CADM2: variants seen among roughly 807,000 people sequenced by gnomAD.
CADM2 encodes immunoglobulin superfamily member 4D.
Under a neutral mutation model 49.8 loss-of-function variants are expected in CADM2, and 12 were observed. That is an observed-to-expected ratio of 0.24 (90% CI 0.15 to 0.39). CADM2 has a LOEUF of 0.39. Among genes scored for constraint, CADM2 ranks in the 10% least tolerant of loss-of-function variants. The pLI is 1.00. For missense variants in CADM2, 378 were observed against 492.3 expected, an observed-to-expected ratio of 0.77 and a Z score of 2.20; for synonymous variants, 214 against 175.4, an observed-to-expected ratio of 1.22 and a Z score of -1.74.
chr3:85,650,074 A>AT (rs1011307594), intron 1 of CADM2, among the ~76,000 whole-genome samples: 9 of 152,098 alleles, frequency 5.9e-5, no homozygotes, highest in Non-Finnish European at 8.8e-5. Context: ...TAAGGTGGTC[A>AT]TTTTTTTGTG....
intron 1 of CADM2, among the ~76,000 whole-genome samples, chr3:85,645,176 G>GAAAAATA (rs2064844483): frequency 6.6e-6 from 1 of 151,858 alleles, no homozygotes; most frequent in Non-Finnish European, 1.5e-5. Flanking sequence ...TTTGATTTAT[G>GAAAAATA]AAAAATAAAA....
At chr3:85,317,186 T>G (rs1293639086) in intron 1 of CADM2, among the ~76,000 whole-genome samples, 1 of 152,116 alleles carries the variant, frequency 6.6e-6, no homozygotes, top group African/African-American at 2.4e-5. Context: ...CTCCTTGATA[T>G]GTAATAATCA....
At chr3:85,379,852 A>G (rs1213945437) in intron 1 of CADM2, among the ~76,000 whole-genome samples, 1 of 152,070 alleles carries the variant, frequency 6.6e-6, no homozygotes, top group Non-Finnish European at 1.5e-5. Flanking sequence ...AGTGGCTTTT[A>G]TTCTATAACT....
At chr3:85,517,999 C>T (rs2106879684) in intron 1 of CADM2, among the ~76,000 whole-genome samples, 1 of 152,110 alleles carries the variant, frequency 6.6e-6, no homozygotes, top group African/African-American at 2.4e-5. Flanking sequence ...GGACACAATT[C>T]AGCTATGTTT....
intron 3 of CADM2, among the ~76,000 whole-genome samples, chr3:85,813,478 T>G (rs148590378): frequency 6.3e-4 from 96 of 152,340 alleles, no homozygotes; most frequent in African/African-American, 2.3e-3. Flanking sequence ...TTGCAAAAAT[T>G]TCCTACCATT....
intron 1 of CADM2, among the ~76,000 whole-genome samples, chr3:85,101,879 G>A (rs919392075): frequency 6.6e-6 from 1 of 152,136 alleles, no homozygotes; most frequent in Admixed American, 6.6e-5. Flanking sequence ...CACAGTTGAT[G>A]TCAAGGCAGG....
intron 1 of CADM2, among the ~76,000 whole-genome samples, chr3:85,707,387 T>C (rs1040696956): frequency 1.4e-4 from 19 of 137,554 alleles, no homozygotes; most frequent in African/African-American, 4.9e-4. Flanking sequence ...GACTATATCA[T>C]TGTATCTTTT....
intron 1 of CADM2, among the ~76,000 whole-genome samples, chr3:85,389,600 T>G (rs561004890): frequency 6.6e-6 from 1 of 152,262 alleles, no homozygotes; most frequent in South Asian, 2.1e-4. Context: ...AAAGAGACTA[T>G]CTGTACCACT....
Position 85,456,628 on chromosome 3 carries a change from A to G in CADM2, c.62-269894A>G, listed in dbSNP as rs183406620. 3.4e-3 allele frequency among the ~76,000 whole-genome samples: 522 copies of G among 152,178 alleles called. 4 individuals are homozygous for G. Among genetic ancestry groups the G allele is most frequent in the African/African-American group, 0.012 (495 of 41,556 alleles). On this transcript the variant is annotated intron_variant, in intron 1 of 9. Transcript: ENST00000383699. ...CTTGAACCTTTTCTGATAAGATTTT[A>G]TTTATTAATTACTCAAATATAAATA... is the stretch of plus-strand genomic sequence containing the variant.
chr3:85,942,614 T>A lies in CADM2; in HGVS notation c.791+6757T>A, dbSNP rs562119267. Among the ~76,000 whole-genome samples the A allele has an allele frequency of 2.2e-3, 328 of 151,830 alleles. 1 individual carries two copies. Among genetic ancestry groups the A allele is most frequent in the African/African-American group, 7.6e-3 (314 of 41,476 alleles). On this transcript the variant is annotated intron_variant, in intron 7 of 9. Coordinates refer to ENST00000383699, the MANE Select transcript of CADM2 (RefSeq NM_001167675.2). ...TTTTTTTGTTCTTGCGATAGTTTAC[T>A]GAGAATGATGATTTCCAGTTTCATC...
chr3:85,597,820 T>G (rs2063287462), intron 1 of CADM2, among the ~76,000 whole-genome samples: 1 of 152,070 alleles, frequency 6.6e-6, no homozygotes, highest in Admixed American at 6.6e-5. Context: ...ACAAACCTAA[T>G]CAATATCTGC....
intron 1 of CADM2, among the ~76,000 whole-genome samples, chr3:85,406,227 T>A (rs555811596): frequency 2.8e-4 from 42 of 152,198 alleles, no homozygotes; most frequent in African/African-American, 9.9e-4. Context: ...ATGAAGTTAT[T>A]TTACTATTTC....
intron 1 of CADM2, among the ~76,000 whole-genome samples, chr3:85,499,094 T>C (rs191539262): frequency 1.4e-4 from 22 of 152,242 alleles, no homozygotes. Flanking sequence ...ATTCTATTAA[T>C]AATTTCAAAG....
At chr3:85,991,678 C>A (rs1317723229) in intron 8 of CADM2, among the ~76,000 whole-genome samples, 1 of 151,938 alleles carries the variant, frequency 6.6e-6, no homozygotes, top group East Asian at 1.9e-4. Flanking sequence ...TAAGTAAGGA[C>A]TACAATTTTC....
chr3:85,888,966 A>G (rs1023867450), intron 5 of CADM2, among the ~76,000 whole-genome samples: 1 of 152,150 alleles, frequency 6.6e-6, no homozygotes, highest in Non-Finnish European at 1.5e-5. Context: ...GACACTCCCT[A>G]GCATAAAATA....
At chr3:85,487,642 G>GGAGGAGGAGGAGGACGAA (rs2039481149) in intron 1 of CADM2, among the ~76,000 whole-genome samples, 1 of 76,316 alleles carries the variant, frequency 1.3e-5, no homozygotes, top group South Asian at 3.5e-4. Context: ...AGGACGAAGA[G>GGAGGAGGAGGAGGACGAA]GAGGAGGAGG....
chr3:86,038,713 A>C (rs891587438), intron 8 of CADM2, among the ~76,000 whole-genome samples: 7 of 152,246 alleles, frequency 4.6e-5, no homozygotes, highest in African/African-American at 1.7e-4. Flanking sequence ...AAGTAAATTC[A>C]ATTCACATAT....
chr3:86,054,218 CAT>C (rs142117292), intron 8 of CADM2, among the ~76,000 whole-genome samples: 5,667 of 152,018 alleles, frequency 0.037, 208 homozygotes, highest in African/African-American at 0.094. Context: ...ATGGAAAAGA[CAT>C]ATATTCATTA....
At chr3:84,971,668 G>T (rs528801185) in intron 1 of CADM2, among the ~76,000 whole-genome samples, 2 of 152,154 alleles carry the variant, frequency 1.3e-5, no homozygotes, top group South Asian at 2.1e-4. Flanking sequence ...CAACAAAGCA[G>T]AACATATTAT....
Sources: allele counts gnomAD v4.1 joint callset (sites outside exome capture counted in the v4.1 genomes callset), GRCh38; gene constraint gnomAD v4.1.1; transcripts MANE v1.5; gene names NCBI Gene and HGNC (gene_info 2026-07-23, HGNC 2026-07-21).